ATF7IP: variants seen among roughly 807,000 people sequenced by gnomAD.
ATF7IP encodes activating transcription factor 7 interacting protein, also known as activating transcription factor 7-interacting protein 1.
In ATF7IP, 23 loss-of-function variants were observed where a neutral mutation model predicts 106.4. The observed-to-expected ratio is 0.22, with a 90% CI of 0.16 to 0.31. The LOEUF is 0.31. Ranked by LOEUF, ATF7IP falls within the 10% of genes least tolerant of loss-of-function variation. The probability of loss-of-function intolerance (pLI) is 1.00; values close to 1 mark genes in which losing one functional copy is unlikely to be tolerated. For synonymous variants in ATF7IP, 542 were observed against 539.0 expected (o/e 1.01, Z -0.08); for missense variants, 1,334 against 1,524.3 (o/e 0.88, Z 2.08).
intron 10 of ATF7IP, among the ~76,000 whole-genome samples, chr12:14,467,359 A>G (rs1325275294): frequency 1.3e-5 from 2 of 152,160 alleles, no homozygotes; most frequent in African/African-American, 4.8e-5. Flanking sequence ...TATTTTCTTT[A>G]AAAACGATGG....
Position 14,457,301 on chromosome 12 carries a change from T to G in ATF7IP, c.2158+6T>G, listed in dbSNP as rs772389807. 17 of 1,511,588 alleles carry G rather than the reference T, an allele frequency of 1.1e-5. 1 individual carries two copies. Among genetic ancestry groups the G allele is most frequent in the Middle Eastern group, 3.4e-4 (2 of 5,810 alleles). The allele number at this position is 1,511,588 out of a possible 1,614,324, so 93.6% of individuals were successfully genotyped here. A position where few individuals can be genotyped will look rare whatever the true frequency, so the allele number is the denominator to read the frequency against. On this transcript the variant is annotated splice_donor_region_variant and intron_variant, in intron 8 of 14. Transcript: ENST00000261168. ...TCAAACTCCTGTGAATACAGGTAAC[T>G]TTTTTTTTAAATACCAAAATACATT...
At chr12:14,371,826 CT>C (rs1301161729) in intron 1 of ATF7IP, among the ~76,000 whole-genome samples, 1 of 151,916 alleles carries the variant, frequency 6.6e-6, no homozygotes, top group African/African-American at 2.4e-5. Flanking sequence ...ATAATTTTTT[CT>C]TTTAGGTTTT....
chr12:14,453,531 T>C (rs1274293424), intron 6 of ATF7IP, among the ~76,000 whole-genome samples: 1 of 152,206 alleles, frequency 6.6e-6, no homozygotes, highest in African/African-American at 2.4e-5. Context: ...GATACGTTTT[T>C]ACAGTTTCTC....
intron 9 of ATF7IP, among the ~76,000 whole-genome samples, chr12:14,461,431 A>G (rs1565533136): frequency 1.3e-5 from 2 of 152,066 alleles, no homozygotes; most frequent in South Asian, 2.1e-4. Context: ...AGTTACTTTT[A>G]TGATACATTT....
intron 2 of ATF7IP, among the ~76,000 whole-genome samples, chr12:14,427,971 AT>A (rs1442392867): frequency 1.3e-5 from 2 of 152,174 alleles, no homozygotes; most frequent in Admixed American, 1.3e-4. Flanking sequence ...AAGCTTTATG[AT>A]GGCGCTGGAA....
chr12:14,484,039 A>G (rs1476789124), intron 13 of ATF7IP, among the ~76,000 whole-genome samples: 2 of 152,088 alleles, frequency 1.3e-5, no homozygotes, highest in Non-Finnish European at 2.9e-5. Context: ...AGGGAGGACA[A>G]ACCTCTTCCC....
intron 1 of ATF7IP, among the ~76,000 whole-genome samples, chr12:14,402,127 CTT>C (rs11297116): frequency 0.043 from 4,423 of 101,816 alleles, 80 homozygotes; most frequent in African/African-American, 0.099. Flanking sequence ...TTTCTTCTTT[CTT>C]TTTTTTTTTT....
At chr12:14,385,847 G>T (rs1260984642) in intron 1 of ATF7IP, among the ~76,000 whole-genome samples, 3 of 151,938 alleles carry the variant, frequency 2.0e-5, no homozygotes, top group South Asian at 2.1e-4. Flanking sequence ...TTTTTGGAAA[G>T]AAGGGTAATT....
chr12:14,375,511 A>G (rs1376256807), intron 1 of ATF7IP, among the ~76,000 whole-genome samples: 9 of 152,158 alleles, frequency 5.9e-5, no homozygotes, highest in Non-Finnish European at 8.8e-5. Flanking sequence ...ACTTACTTTA[A>G]ATGATTTAAA....
At chr12:14,373,008 A>G (rs969733336) in intron 1 of ATF7IP, among the ~76,000 whole-genome samples, 1 of 152,184 alleles carries the variant, frequency 6.6e-6, no homozygotes, top group Admixed American at 6.5e-5. Flanking sequence ...AGCTAAAAAG[A>G]TGGAAAGGGA....
intron 13 of ATF7IP, among the ~76,000 whole-genome samples, chr12:14,482,924 G>T (rs1021678693): frequency 3.9e-5 from 6 of 152,128 alleles, no homozygotes; most frequent in Non-Finnish European, 7.3e-5. Context: ...ATTACATAAA[G>T]TTAACAATAC....
chr12:14,400,682 G>C (rs2136461467), intron 1 of ATF7IP, among the ~76,000 whole-genome samples: 1 of 152,092 alleles, frequency 6.6e-6, no homozygotes. Context: ...TACATTGTTA[G>C]ATAGATACCT....
At chr12:14,444,998 T>TTC (rs895686261) in intron 5 of ATF7IP, among the ~76,000 whole-genome samples, 3 of 150,452 alleles carry the variant, frequency 2.0e-5, no homozygotes, top group African/African-American at 4.9e-5. Flanking sequence ...TAGTTTTTTT[T>TTC]TTTTTTTTTT....
intron 1 of ATF7IP, among the ~76,000 whole-genome samples, chr12:14,402,787 G>A (rs1362660591): frequency 1.3e-5 from 2 of 151,804 alleles, no homozygotes; most frequent in East Asian, 1.9e-4. Context: ...TAGTAGAGAC[G>A]GAGTTTCTCC....
chr12:14,486,972 A>G (rs993582074), intron 13 of ATF7IP, among the ~76,000 whole-genome samples: 1 of 152,200 alleles, frequency 6.6e-6, no homozygotes, highest in African/African-American at 2.4e-5. Context: ...GACTAGCTCT[A>G]AAGTGACTGA....
chr12:14,402,127 CTTTTTTT>C (rs11297116), intron 1 of ATF7IP, among the ~76,000 whole-genome samples: 2 of 101,874 alleles, frequency 2.0e-5, no homozygotes, highest in Non-Finnish European at 3.9e-5. Context: ...TTTCTTCTTT[CTTTTTTT>C]TTTTTTTTTT....
rs779021230 is a variant in ATF7IP, at chr12:14,497,776, G to A, written c.3516G>A (p.Gln1172=). The part of the protein sequence containing the change: ...QKPHLKLARV[Q]SQNGIVLSWS... ...CACACTTGAAGTTAGCACGCGTTCA[G>A]AGTCAAAATGGCATAGTACTGTCAT... The change falls in exon 15 of 15, where the codon CAG becomes CAA. Residue 1172 remains glutamine (Q), a synonymous_variant. Coordinates refer to ENST00000261168, the MANE Select transcript of ATF7IP (RefSeq NM_018179.5). 1.2e-6 allele frequency: 2 copies of A among 1,614,152 alleles called. No individual in the cohort carries two copies. Among genetic ancestry groups the A allele is most frequent in the Non-Finnish European group, 8.5e-7 (1 of 1,180,026 alleles).
intron 4 of ATF7IP, 63 bp downstream of exon 4, chr12:14,436,314 G>C: frequency 7.0e-7 from 1 of 1,436,402 alleles, no homozygotes. Flanking sequence ...CTTCTTCTAG[G>C]TTTCTGACAT....
chr12:14,452,163 C>A (rs539021373), intron 6 of ATF7IP, among the ~76,000 whole-genome samples: 3 of 152,226 alleles, frequency 2.0e-5, no homozygotes, highest in South Asian at 4.1e-4. Flanking sequence ...ATGGCCCATC[C>A]TTACTCTCTT....
Sources: allele counts gnomAD v4.1 joint callset (sites outside exome capture counted in the v4.1 genomes callset), GRCh38; gene constraint gnomAD v4.1.1; transcripts MANE v1.5; gene names NCBI Gene and HGNC (gene_info 2026-07-23, HGNC 2026-07-21).